IGF1R: variants seen among roughly 807,000 people sequenced by gnomAD.
IGF1R encodes insulin like growth factor 1 receptor.
Under a neutral mutation model 144.6 loss-of-function variants are expected in IGF1R, and 44 were observed. The observed-to-expected ratio is 0.30, with a 90% CI of 0.24 to 0.39. The LOEUF (loss-of-function observed/expected upper bound fraction) is 0.39. IGF1R is among the 10% of genes least tolerant of loss of function. The pLI is 1.00. For missense variants in IGF1R, 1,355 were observed against 1,833.7 expected, an observed-to-expected ratio of 0.74 and a Z score of 4.77; for synonymous variants, 795 against 722.8, an observed-to-expected ratio of 1.10 and a Z score of -1.60.
intron 2 of IGF1R, among the ~76,000 whole-genome samples, chr15:98,813,288 T>C (rs891317946): frequency 2.6e-5 from 4 of 151,926 alleles, no homozygotes; most frequent in Admixed American, 2.0e-4. Context: ...ATATGCAAAA[T>C]AACCAATCCA....
intron 1 of IGF1R, among the ~76,000 whole-genome samples, chr15:98,650,027 C>G (rs2052311886): frequency 6.6e-6 from 1 of 151,956 alleles, no homozygotes; most frequent in African/African-American, 2.4e-5. Flanking sequence ...GCGACCCGCA[C>G]CTCGCCCCTT....
intron 2 of IGF1R, among the ~76,000 whole-genome samples, chr15:98,843,945 G>A (rs968487704): frequency 6.6e-6 from 1 of 152,200 alleles, no homozygotes; most frequent in Non-Finnish European, 1.5e-5. Flanking sequence ...TGAACTATGC[G>A]TTTGCTGCTT....
chr15:98,720,808 A>G (rs1413142010), intron 2 of IGF1R, among the ~76,000 whole-genome samples: 2 of 152,176 alleles, frequency 1.3e-5, no homozygotes, highest in East Asian at 1.9e-4. Context: ...TAACTCGATT[A>G]TGTGGAATGA....
rs35805107 is a variant in IGF1R, at chr15:98,957,989, G to A, written c.*547G>A. Reference sequence around the variant, plus strand: ...GACATGAAATTTACAAAGGGCCATCGTTCATCCAAGGCTGTTACCATTTTA... The same window carrying A: ...GACATGAAATTTACAAAGGGCCATCATTCATCCAAGGCTGTTACCATTTTA... On this transcript the variant is annotated 3_prime_UTR_variant, in exon 21 of 21. Coordinates refer to ENST00000650285, the MANE Select transcript of IGF1R (RefSeq NM_000875.5). 2.9e-4 allele frequency: 69 copies of A among 235,636 alleles called. No individual in the cohort carries two copies. The Admixed American group carries it at 3.5e-3, about 12-fold the overall frequency. 14.6% of individuals were successfully genotyped at this position (235,636 alleles called of 1,614,324 possible). A position where few individuals can be genotyped will look rare whatever the true frequency, so the allele number is the denominator to read the frequency against.
Position 98,960,476 on chromosome 15 carries a change from C to T in IGF1R, c.*3034C>T, listed in dbSNP as rs1011237820. ...TGCAGATGGAATGACCAACACATTT[C>T]GTCCTTAAGAGAGCAGTGGTTCCTC... On this transcript the variant is annotated 3_prime_UTR_variant, in exon 21 of 21. Coordinates refer to ENST00000650285, the MANE Select transcript of IGF1R (RefSeq NM_000875.5). 6 of 233,100 alleles carry T rather than the reference C, an allele frequency of 2.6e-5. No homozygotes were observed. Among genetic ancestry groups the T allele is most frequent in the African/African-American group, 1.1e-4 (5 of 45,322 alleles). The allele number at this position is 233,100 out of a possible 1,614,324, so 14.4% of individuals were successfully genotyped here. A position where few individuals can be genotyped will look rare whatever the true frequency, so the allele number is the denominator to read the frequency against.
At chr15:98,953,639 G>A (rs993351439) in intron 20 of IGF1R, among the ~76,000 whole-genome samples, 5 of 152,164 alleles carry the variant, frequency 3.3e-5, no homozygotes, top group Non-Finnish European at 4.4e-5. Flanking sequence ...GAAGCCATTT[G>A]TTCTGCTGCT....
chr15:98,902,456 C>T (rs1051119521), intron 5 of IGF1R, among the ~76,000 whole-genome samples: 37 of 129,528 alleles, frequency 2.9e-4, no homozygotes, highest in Middle Eastern at 0.013. Context: ...CTTGCTGTGT[C>T]GCCCAGGCTG....
rs1053600846 is a variant in IGF1R, at chr15:98,648,739, C to T, written c.-843C>T. Among the ~76,000 whole-genome samples the T allele has an allele frequency of 5.8e-4, 86 of 147,342 alleles. 1 individual carries two copies. Among genetic ancestry groups the T allele is most frequent in the African/African-American group, 2.1e-3 (86 of 40,844 alleles). On this transcript the variant is annotated 5_prime_UTR_variant, in exon 1 of 21. Transcript: ENST00000650285. Reference sequence around the variant, plus strand: ...GCGCTCGCAGACCCTCGGCCCCGCTCCCCGGATCCCCCCGCGCCCTCCACG... The same window carrying T: ...GCGCTCGCAGACCCTCGGCCCCGCTTCCCGGATCCCCCCGCGCCCTCCACG...
At chr15:98,664,277 G>A (rs1316939876) in intron 1 of IGF1R, among the ~76,000 whole-genome samples, 1 of 152,106 alleles carries the variant, frequency 6.6e-6, no homozygotes, top group Non-Finnish European at 1.5e-5. Flanking sequence ...TCTGAGATGA[G>A]GGTTGGAGAA....
Position 98,961,766 on chromosome 15 carries a change from C to CA in IGF1R, c.*4324_*4325insA. 1 of 233,536 alleles carries CA rather than the reference C, an allele frequency of 4.3e-6. No individual in the cohort carries two copies. The highest frequency in any genetic ancestry group is 8.5e-6 in the Non-Finnish European group (1 of 118,074). The allele number at this position is 233,536 out of a possible 1,614,324, so 14.5% of individuals were successfully genotyped here. On this transcript the variant is annotated 3_prime_UTR_variant, in exon 21 of 21. Coordinates refer to ENST00000650285, the MANE Select transcript of IGF1R (RefSeq NM_000875.5). ...TCAAGACCCAGACCACCCCAGGTCT[C>CA]CTTCGTGGGATGTCATGACGTTTGA...
At chr15:98,931,811 C>A (rs1258357623) in intron 15 of IGF1R, among the ~76,000 whole-genome samples, 1 of 152,094 alleles carries the variant, frequency 6.6e-6, no homozygotes, top group African/African-American at 2.4e-5. Context: ...GAGCTAGAAT[C>A]CCACCACTGC....
intron 8 of IGF1R, among the ~76,000 whole-genome samples, chr15:98,914,067 C>A (rs1181639134): frequency 6.6e-6 from 1 of 152,182 alleles, no homozygotes; most frequent in African/African-American, 2.4e-5. Context: ...CTGGTGAGGG[C>A]CCACTCCCTG....
At chr15:98,947,909 A>T (rs529128851) in intron 19 of IGF1R, among the ~76,000 whole-genome samples, 1 of 152,062 alleles carries the variant, frequency 6.6e-6, no homozygotes, top group African/African-American at 2.4e-5. Flanking sequence ...CCTTGGCCCA[A>T]CTGGACCTCA....
chr15:98,690,623 G>T (rs2053453751), intron 1 of IGF1R, among the ~76,000 whole-genome samples: 1 of 152,176 alleles, frequency 6.6e-6, no homozygotes, highest in Non-Finnish European at 1.5e-5. Context: ...CAATTAATAT[G>T]TGAATGTATG....
chr15:98,779,246 G>A (rs1353193894), intron 2 of IGF1R, among the ~76,000 whole-genome samples: 2 of 152,236 alleles, frequency 1.3e-5, no homozygotes, highest in South Asian at 2.1e-4. Context: ...TCCAGCACAA[G>A]TGACTGTGTA....
At chr15:98,693,500 G>A (rs544053782) in intron 1 of IGF1R, among the ~76,000 whole-genome samples, 5 of 152,324 alleles carry the variant, frequency 3.3e-5, no homozygotes, top group East Asian at 1.9e-4. Context: ...CTTGGTGGGT[G>A]CCTGGGGTTT....
At chr15:98,899,716 T>C in intron 5 of IGF1R, 95 bp downstream of exon 5, 1 of 1,282,502 alleles carries the variant, frequency 7.8e-7, no homozygotes, top group Admixed American at 1.7e-5. Flanking sequence ...CTCCCTGCCT[T>C]GTTAAAGAGA....
At chr15:98,852,368 AC>A (rs1357996659) in intron 2 of IGF1R, among the ~76,000 whole-genome samples, 1 of 152,180 alleles carries the variant, frequency 6.6e-6, no homozygotes, top group African/African-American at 2.4e-5. Context: ...GCCGCCGTGG[AC>A]CAAGGTTGTT....
At position 98,935,737 on chromosome 15, in the gene IGF1R, C is replaced by T. The variant is rs2293118; in HGVS notation, c.3297+311C>T. Among the ~76,000 whole-genome samples, 28,248 of 151,492 alleles carry T rather than the reference C, an allele frequency of 0.19. 3,275 individuals are homozygous for T. The highest frequency in any genetic ancestry group is 0.33 in the East Asian group (1,667 of 5,070). On this transcript the variant is annotated intron_variant, in intron 17 of 20. Coordinates refer to ENST00000650285, the MANE Select transcript of IGF1R (RefSeq NM_000875.5). The surrounding 1 kb of genome is among the most constrained non-coding windows in gnomAD (Gnocchi z 4.2). ...GTGTCCACCTGCCAAGCCAGGCCAGCGCCACTCCCTCCCCGAAGCTTTCCT... is the reference window on the plus strand; with the variant it reads ...GTGTCCACCTGCCAAGCCAGGCCAGTGCCACTCCCTCCCCGAAGCTTTCCT...
Sources: gnomAD v4.1 joint callset for allele counts (sites outside exome capture counted in the v4.1 genomes callset) on GRCh38, gnomAD v4.1.1 for gene constraint, Gnocchi (gnomAD v3.1) non-coding constraint, MANE v1.5 for transcripts, NCBI Gene and HGNC (gene_info 2026-07-23, HGNC 2026-07-21) for gene names.